Variants in EVL observed in about 807,000 individuals in gnomAD.
EVL encodes the protein ena/VASP-like protein.
EVL carries 21 observed loss-of-function variants against 59.6 expected under a neutral mutation model. That is an observed-to-expected ratio of 0.35 (90% CI 0.25 to 0.51). The LOEUF is 0.51. Ranked by LOEUF, EVL falls within the 20% of genes least tolerant of loss-of-function variation. The pLI is 0.97. For missense variants in EVL, 462 were observed against 546.6 expected, an observed-to-expected ratio of 0.85 and a Z score of 1.54; for synonymous variants, 198 against 203.5, an observed-to-expected ratio of 0.97 and a Z score of 0.23.
intron 1 of EVL, among the ~76,000 whole-genome samples, chr14:100,000,495 G>A (rs1407120387): frequency 1.3e-5 from 2 of 151,990 alleles, no homozygotes; most frequent in African/African-American, 4.8e-5. Context: ...CTACAAGCGC[G>A]TGCCATCATG....
At chr14:99,973,104 A>G (rs887911314) in intron 1 of EVL, among the ~76,000 whole-genome samples, 1 of 152,006 alleles carries the variant, frequency 6.6e-6, no homozygotes, top group Non-Finnish European at 1.5e-5. Flanking sequence ...GCTGTTATGG[A>G]TATTGTTGTG....
intron 1 of EVL, chr14:99,975,016 TCCTTGGCCTTGG>T (rs143321280): frequency 0.11 from 16,603 of 152,902 alleles, 1,257 homozygotes; most frequent in East Asian, 0.28. Context: ...GGGGACCTAC[TCCTTGGCCTTGG>T]CCTTGGCCTT....
At chr14:100,013,200 G>A (rs768524553) in intron 1 of EVL, among the ~76,000 whole-genome samples, 12 of 152,142 alleles carry the variant, frequency 7.9e-5, no homozygotes, top group Non-Finnish European at 1.3e-4. Context: ...TTTGACTAGG[G>A]TCCCAAGACA....
At chr14:100,050,374 C>T (rs1032512353) in intron 1 of EVL, among the ~76,000 whole-genome samples, 42 of 148,002 alleles carry the variant, frequency 2.8e-4, no homozygotes, top group African/African-American at 1.1e-3. Context: ...TTTTTTTAGA[C>T]AGTCTCACTC....
At chr14:100,054,866 C>T (rs184101977) in intron 1 of EVL, among the ~76,000 whole-genome samples, 2 of 152,118 alleles carry the variant, frequency 1.3e-5, no homozygotes, top group Middle Eastern at 3.2e-3. Context: ...TAAATTAACA[C>T]CCAGGCACAC....
chr14:100,044,948 C>A (rs2061525546), intron 1 of EVL, among the ~76,000 whole-genome samples: 1 of 152,128 alleles, frequency 6.6e-6, no homozygotes, highest in African/African-American at 2.4e-5. Context: ...GATGACAGAG[C>A]AAGACCCTAT....
intron 1 of EVL, among the ~76,000 whole-genome samples, chr14:100,039,237 C>CATTT (rs879364537): frequency 2.6e-5 from 4 of 152,066 alleles, no homozygotes; most frequent in South Asian, 2.1e-4. Flanking sequence ...TGTTAGAGGC[C>CATTT]ATTTATTTAT....
chr14:100,134,467 C>T (rs1888642030), intron 8 of EVL, among the ~76,000 whole-genome samples: 1 of 152,178 alleles, frequency 6.6e-6, no homozygotes. Context: ...TTGTTTTTCA[C>T]AGGCCCCTGG....
chr14:99,979,346 C>T (rs563905100), intron 1 of EVL, among the ~76,000 whole-genome samples: 1 of 152,124 alleles, frequency 6.6e-6, no homozygotes, highest in Non-Finnish European at 1.5e-5. Flanking sequence ...TGAACATTTT[C>T]CCTATCTGCT....
chr14:100,031,607 GTCTT>G (rs2140218402), intron 1 of EVL, among the ~76,000 whole-genome samples: 1 of 152,252 alleles, frequency 6.6e-6, no homozygotes, highest in Admixed American at 6.5e-5. Context: ...CTGGTTCGTG[GTCTT>G]TCCTGGGTTT....
Position 100,037,462 on chromosome 14 carries a change from A to C in EVL, c.6-47225A>C, listed in dbSNP as rs147358166. Among the ~76,000 whole-genome samples the C allele has an allele frequency of 8.5e-5, 13 of 152,290 alleles. 1 individual carries two copies. The highest frequency in any genetic ancestry group is 2.9e-4 in the African/African-American group (12 of 41,576). On this transcript the variant is annotated intron_variant, in intron 1 of 13. Transcript: ENST00000402714. ...ATACTCTGAAAATACTCTTGCACCT[A>C]CTTCTGTTTCTGTACTTCTCATGCC... is the stretch of plus-strand genomic sequence containing the variant.
intron 1 of EVL, chr14:100,019,467 A>C (rs2061083343): frequency 1.9e-6 from 1 of 539,972 alleles, no homozygotes; most frequent in Non-Finnish European, 3.2e-6. Context: ...CTCCCCTGTT[A>C]GCTGCCGCTT....
intron 13 of EVL, among the ~76,000 whole-genome samples, chr14:100,142,814 C>T (rs188097732): frequency 6.6e-6 from 1 of 152,214 alleles, no homozygotes; most frequent in Non-Finnish European, 1.5e-5. Context: ...CTGGTCACAC[C>T]GCCTTACTGC....
rs1359273125 is a variant in EVL at position 99,999,800 on chromosome 14, G to A, written c.5+27743G>A. 2.6e-5 allele frequency among the ~76,000 whole-genome samples: 4 copies of A among 152,168 alleles called. No individual in the cohort carries two copies. In the East Asian group the frequency reaches 5.8e-4, roughly 22 times the overall value. Reference sequence around the variant, plus strand: ...GTGGGGGGTCACTCTCTTCCCCTGTGAGGCCATCAGCACAAAAGTTTGTGT... The same window carrying A: ...GTGGGGGGTCACTCTCTTCCCCTGTAAGGCCATCAGCACAAAAGTTTGTGT... On this transcript the variant is annotated intron_variant, in intron 1 of 13. Transcript: ENST00000402714.
rs11339070 is a variant in EVL at position 99,985,773 on chromosome 14, GAAA to G, written c.5+13728_5+13730del. 5.1e-4 allele frequency among the ~76,000 whole-genome samples: 71 copies of G among 138,726 alleles called. No individual in the cohort carries two copies. The East Asian group carries it at 0.013, about 26-fold the overall frequency. The allele number at this position is 138,726 out of a possible 152,430, so 91.0% of individuals were successfully genotyped here. ...CAAGAGCGAAGCTCCATCTCAGAAA[GAAA>G]AAAAAAAAAAAGTCCCTTGTCTTTT... On this transcript the variant is annotated intron_variant, in intron 1 of 13. Coordinates refer to the EVL transcript ENST00000402714.
At chr14:100,020,978 A>G (rs2061113865) in intron 1 of EVL, among the ~76,000 whole-genome samples, 1 of 152,246 alleles carries the variant, frequency 6.6e-6, no homozygotes, top group South Asian at 2.1e-4. Context: ...TTAGATGACT[A>G]ACAAGAATTT....
At chr14:99,988,177 A>G (rs999429241) in intron 1 of EVL, among the ~76,000 whole-genome samples, 4 of 151,948 alleles carry the variant, frequency 2.6e-5, no homozygotes, top group African/African-American at 9.7e-5. Context: ...CGACCTCCCA[A>G]AGTGCTGGGA....
chr14:99,992,418 ATTGT>A (rs2060881476), intron 1 of EVL, among the ~76,000 whole-genome samples: 1 of 151,676 alleles, frequency 6.6e-6, no homozygotes, highest in African/African-American at 2.4e-5. Flanking sequence ...CACTTTGTTG[ATTGT>A]TTTCTTTTGT....
intron 1 of EVL, among the ~76,000 whole-genome samples, chr14:100,082,403 G>T (rs1375831328): frequency 1.3e-5 from 2 of 152,176 alleles, no homozygotes; most frequent in Non-Finnish European, 2.9e-5. Flanking sequence ...GCTTTGTCGT[G>T]TGGCTGATGG....
Sources: allele counts gnomAD v4.1 joint callset (sites outside exome capture counted in the v4.1 genomes callset), GRCh38; gene constraint gnomAD v4.1.1; transcripts MANE v1.5; gene names NCBI Gene and HGNC (gene_info 2026-07-23, HGNC 2026-07-21).